TMC1: variants seen among roughly 807,000 people sequenced by gnomAD.
TMC1 encodes the protein transmembrane channel like 1, also known as transmembrane channel-like protein 1.
In TMC1, 84 loss-of-function variants were observed where a neutral mutation model predicts 105.8. That is an observed-to-expected ratio of 0.79 (90% confidence interval 0.67 to 0.95). TMC1 has a LOEUF of 0.95. TMC1 is among the 40% of genes least tolerant of loss of function. The pLI is 0.00. For synonymous variants in TMC1, 315 were observed against 311.5 expected, an observed-to-expected ratio of 1.01 and a Z score of -0.12; for missense variants, 817 against 914.1, an observed-to-expected ratio of 0.89 and a Z score of 1.37.
chr9:72,720,933 G>T (rs1405258617), intron 8 of TMC1, among the ~76,000 whole-genome samples: 1 of 152,118 alleles, frequency 6.6e-6, no homozygotes, highest in Non-Finnish European at 1.5e-5. Context: ...ATATGTACAT[G>T]TTTACTTATT....
intron 18 of TMC1, among the ~76,000 whole-genome samples, chr9:72,815,711 A>T (rs1289034405): frequency 6.6e-6 from 1 of 152,210 alleles, no homozygotes. Flanking sequence ...CTAATGTTCA[A>T]CACTTAGATG....
intron 5 of TMC1, among the ~76,000 whole-genome samples, chr9:72,668,053 G>A (rs1371972308): frequency 1.3e-5 from 2 of 148,812 alleles, no homozygotes; most frequent in Non-Finnish European, 3.0e-5. Flanking sequence ...TTCCTAGTTA[G>A]ATTGTGACAT....
At chr9:72,630,865 C>CTT (rs201645920) in intron 4 of TMC1, among the ~76,000 whole-genome samples, 5 of 139,694 alleles carry the variant, frequency 3.6e-5, no homozygotes, top group African/African-American at 7.9e-5. Context: ...ACATTTTTCA[C>CTT]TTTTTTTTTT....
chr9:72,571,176 A>G (rs1409610491), intron 1 of TMC1, among the ~76,000 whole-genome samples: 1 of 150,620 alleles, frequency 6.6e-6, no homozygotes, highest in African/African-American at 2.4e-5. Context: ...TATAAAAATT[A>G]GCCGGGCATG....
At chr9:72,642,922 A>G (rs548960756) in intron 4 of TMC1, among the ~76,000 whole-genome samples, 4 of 152,150 alleles carry the variant, frequency 2.6e-5, no homozygotes, top group Non-Finnish European at 4.4e-5. Context: ...GCTCCTGACA[A>G]TCGCTAATAA....
At chr9:72,543,953 T>TTTCTTTCTTC (rs369430154) in intron 1 of TMC1, among the ~76,000 whole-genome samples, 3 of 119,532 alleles carry the variant, frequency 2.5e-5, no homozygotes, top group African/African-American at 1.1e-4. Flanking sequence ...TCTTTCTTTC[T>TTTCTTTCTTC]TTTTTTTTTT....
At chr9:72,555,140 A>G (rs1166243710) in intron 1 of TMC1, among the ~76,000 whole-genome samples, 1 of 151,586 alleles carries the variant, frequency 6.6e-6, no homozygotes, top group East Asian at 1.9e-4. Flanking sequence ...CGGCCTCCCA[A>G]AGTGCTGGAG....
At chr9:72,794,536 C>G (rs1828331254) in intron 17 of TMC1, among the ~76,000 whole-genome samples, 1 of 152,190 alleles carries the variant, frequency 6.6e-6, no homozygotes, top group African/African-American at 2.4e-5. Context: ...ATACCCCCCT[C>G]TGAAACCAAA....
In TMC1 at chr9:72,522,999, T is replaced by G. The variant is rs74329806; in HGVS notation, c.-428+1086T>G. ...TCCCCAGAAGTGACAATTAAAAATG[T>G]CTCCAGACTTTTCCAAATGTCCCCT... On this transcript the variant is annotated intron_variant, in intron 1 of 23. Transcript: ENST00000297784. Among the ~76,000 whole-genome samples, 6 of 152,302 alleles carry G rather than the reference T, an allele frequency of 3.9e-5. No homozygotes were observed. In the East Asian group the frequency reaches 9.6e-4, roughly 24 times the overall value.
intron 1 of TMC1, among the ~76,000 whole-genome samples, chr9:72,531,005 A>T (rs1823491484): frequency 6.6e-6 from 1 of 151,062 alleles, no homozygotes; most frequent in African/African-American, 2.4e-5. Context: ...TATTATTATT[A>T]TTATTTGTAT....
At position 72,836,418 on chromosome 9, in the gene TMC1, A is replaced by G; in HGVS notation, c.*445A>G. On this transcript the variant is annotated 3_prime_UTR_variant, in exon 24 of 24. Coordinates refer to ENST00000297784, the MANE Select transcript of TMC1 (RefSeq NM_138691.3). ...TCCTCTAAGTTCAGAAATATTTGCA[A>G]AAAGTACTCATTGTAATCATTCATT... 1 of 177,196 alleles carries G rather than the reference A, an allele frequency of 5.6e-6. No homozygotes were observed. Among genetic ancestry groups the G allele is most frequent in the Non-Finnish European group, 1.2e-5 (1 of 82,636 alleles). The allele number at this position is 177,196 out of a possible 1,614,324, so 11.0% of individuals were successfully genotyped here.
rs59553107 is a variant in TMC1 at position 72,636,707 on chromosome 9, C to CA, written c.-53+8661dup. On this transcript the variant is annotated intron_variant, in intron 4 of 23. Transcript: ENST00000297784. Reference sequence around the variant, plus strand: ...TGGGTGACAGAGCAAGACTCCATCTCAAAAAAAAAAAAAAAAAGGATTCAG... The same window carrying CA: ...TGGGTGACAGAGCAAGACTCCATCTCAAAAAAAAAAAAAAAAAAGGATTCAG... Among the ~76,000 whole-genome samples the CA allele has an allele frequency of 8.1e-3, 675 of 83,152 alleles. 14 individuals are homozygous for CA. The highest frequency in any genetic ancestry group is 0.012 in the South Asian group (26 of 2,252). The allele number at this position is 83,152 out of a possible 152,430, so 54.6% of individuals were successfully genotyped here.
At chr9:72,730,177 C>T (rs1425127128) in intron 8 of TMC1, among the ~76,000 whole-genome samples, 1 of 152,154 alleles carries the variant, frequency 6.6e-6, no homozygotes, top group Non-Finnish European at 1.5e-5. Context: ...TTCTTTATGG[C>T]CACCTTCTAG....
chr9:72,639,636 A>G (rs1273931638), intron 4 of TMC1, among the ~76,000 whole-genome samples: 2 of 152,184 alleles, frequency 1.3e-5, no homozygotes, highest in African/African-American at 2.4e-5. Context: ...CTCGTGAAAT[A>G]TATGCTTGAA....
intron 1 of TMC1, among the ~76,000 whole-genome samples, chr9:72,564,379 CT>C (rs1369937974): frequency 3.3e-5 from 5 of 152,146 alleles, no homozygotes; most frequent in African/African-American, 1.2e-4. Context: ...TTACTTGAAA[CT>C]TTTATTTTTC....
chr9:72,564,266 T>C (rs1338907456), intron 1 of TMC1, among the ~76,000 whole-genome samples: 1 of 152,224 alleles, frequency 6.6e-6, no homozygotes, highest in Non-Finnish European at 1.5e-5. Flanking sequence ...ACAATCTGGC[T>C]CTAATGATAA....
chr9:72,634,474 T>C (rs1309056104), intron 4 of TMC1, among the ~76,000 whole-genome samples: 1 of 152,220 alleles, frequency 6.6e-6, no homozygotes, highest in African/African-American at 2.4e-5. Context: ...CCCAACCTTG[T>C]GGACTTTCAT....
chr9:72,776,444 A>T (rs1459076597), intron 13 of TMC1, among the ~76,000 whole-genome samples: 1 of 152,194 alleles, frequency 6.6e-6, no homozygotes, highest in Non-Finnish European at 1.5e-5. Context: ...AAATTACATT[A>T]CTTCTAATCC....
intron 5 of TMC1, among the ~76,000 whole-genome samples, chr9:72,657,847 T>G (rs1374309794): frequency 6.6e-6 from 1 of 152,204 alleles, no homozygotes; most frequent in Non-Finnish European, 1.5e-5. Context: ...CCAAATCTCT[T>G]AAGCTCCTCC....
Sources: gnomAD v4.1 joint callset for allele counts (sites outside exome capture counted in the v4.1 genomes callset) on GRCh38, gnomAD v4.1.1 for gene constraint, MANE v1.5 for transcripts, NCBI Gene and HGNC (gene_info 2026-07-23, HGNC 2026-07-21) for gene names.